CCDC102B: variants seen among roughly 807,000 people sequenced by gnomAD.
CCDC102B encodes coiled-coil domain-containing protein 102B.
A neutral mutation model predicts 57.4 loss-of-function variants in CCDC102B; 75 were observed. The ratio of observed to expected loss-of-function variants is 1.31; its 90% confidence interval spans 1.08 to 1.58. The LOEUF (loss-of-function observed/expected upper bound fraction) is 1.58, where lower values mean the gene tolerates loss of function less well. Ranked by LOEUF, CCDC102B falls within the 40% of genes most tolerant of loss-of-function variation. The pLI is 0.00. For missense variants in CCDC102B, 636 were observed against 582.6 expected (o/e 1.09, Z -0.94); for synonymous variants, 206 against 201.9 (o/e 1.02, Z -0.17).
chr18:69,012,004 A>G (rs1160770307), intron 7 of CCDC102B, among the ~76,000 whole-genome samples: 8 of 152,144 alleles, frequency 5.3e-5, no homozygotes, highest in Non-Finnish European at 1.5e-5. Flanking sequence ...TTATATGGAA[A>G]CAGAATCAAT....
chr18:68,750,233 C>T (rs867193518), intron 2 of CCDC102B, among the ~76,000 whole-genome samples: 33 of 152,226 alleles, frequency 2.2e-4, no homozygotes, highest in African/African-American at 5.8e-4. Flanking sequence ...CAAATCAAAA[C>T]CACAATGAGA....
rs142064234 is a variant in CCDC102B at position 68,740,007 on chromosome 18, A to C, written c.-67+23413A>C. The stretch of plus-strand genomic sequence containing the variant: ...GTATTCTAAAAATAGTTAAATAGAT[A>C]TTGAAACACAGTCCTGTGTTATCTC... On this transcript the variant is annotated intron_variant, in intron 2 of 3. Coordinates refer to the CCDC102B transcript ENST00000578970. Among the ~76,000 whole-genome samples the C allele has an allele frequency of 9.2e-4, 140 of 152,350 alleles. 1 individual carries two copies. Among genetic ancestry groups the C allele is most frequent in the African/African-American group, 3.3e-3 (138 of 41,588 alleles).
intron 2 of CCDC102B, among the ~76,000 whole-genome samples, chr18:68,767,068 T>C (rs955756116): frequency 6.6e-6 from 1 of 152,200 alleles, no homozygotes; most frequent in Admixed American, 6.5e-5. Flanking sequence ...TGAAATAATT[T>C]TGAAGGTAGT....
At chr18:68,834,984 A>T (rs1168949742) in intron 1 of CCDC102B, among the ~76,000 whole-genome samples, 1 of 152,122 alleles carries the variant, frequency 6.6e-6, no homozygotes, top group Non-Finnish European at 1.5e-5. Context: ...ATTATATAAG[A>T]TTATTTACAC....
intron 6 of CCDC102B, among the ~76,000 whole-genome samples, chr18:69,000,507 A>G (rs148688905): frequency 9.9e-5 from 15 of 152,270 alleles, no homozygotes; most frequent in Admixed American, 9.2e-4. Flanking sequence ...CATATATATG[A>G]ATGCCTTAGT....
intron 6 of CCDC102B, among the ~76,000 whole-genome samples, chr18:68,977,028 C>A (rs2050456556): frequency 6.6e-6 from 1 of 151,850 alleles, no homozygotes; most frequent in South Asian, 2.1e-4. Flanking sequence ...TCATATATAT[C>A]CTATAAATCC....
At chr18:68,745,061 AC>A (rs1300439599) in intron 2 of CCDC102B, among the ~76,000 whole-genome samples, 4 of 152,104 alleles carry the variant, frequency 2.6e-5, no homozygotes, top group African/African-American at 9.7e-5. Flanking sequence ...ATTCATCTTC[AC>A]TTCTGGAGTC....
At chr18:68,838,503 T>C in intron 2 of CCDC102B, 3 of 985,228 alleles carry the variant, frequency 3.0e-6, no homozygotes, top group Non-Finnish European at 3.6e-6. Context: ...GTATTTTTTT[T>C]ATGAGAAAGT....
At chr18:68,737,962 G>A (rs1002890356) in intron 2 of CCDC102B, among the ~76,000 whole-genome samples, 11 of 151,922 alleles carry the variant, frequency 7.2e-5, no homozygotes, top group African/African-American at 2.4e-4. Context: ...GCAGTGAATG[G>A]CTACTTCCCC....
chr18:68,810,788 C>T (rs2036234286), intron 1 of CCDC102B, among the ~76,000 whole-genome samples: 1 of 147,460 alleles, frequency 6.8e-6, no homozygotes, highest in African/African-American at 2.5e-5. Flanking sequence ...TTTGCTGCAC[C>T]CATCAATGCA....
At chr18:69,047,357 C>A (rs1371239626) in intron 7 of CCDC102B, among the ~76,000 whole-genome samples, 1 of 152,086 alleles carries the variant, frequency 6.6e-6, no homozygotes, top group Non-Finnish European at 1.5e-5. Flanking sequence ...ATCTTAAAAA[C>A]CCTCAGTAAA....
intron 2 of CCDC102B, among the ~76,000 whole-genome samples, chr18:68,745,633 A>T (rs2033589749): frequency 6.6e-6 from 1 of 152,056 alleles, no homozygotes; most frequent in South Asian, 2.1e-4. Context: ...ATATACTAGA[A>T]ATTCTCATTA....
chr18:69,004,155 T>C (rs1165155825), intron 6 of CCDC102B, among the ~76,000 whole-genome samples: 1 of 152,152 alleles, frequency 6.6e-6, no homozygotes, highest in South Asian at 2.1e-4. Flanking sequence ...TTGTGTAGGG[T>C]ACATATTCTA....
At chr18:68,941,417 A>G (rs1427806983) in intron 6 of CCDC102B, among the ~76,000 whole-genome samples, 1 of 152,056 alleles carries the variant, frequency 6.6e-6, no homozygotes, top group African/African-American at 2.4e-5. Context: ...AGCTAGGTCT[A>G]AATTTATTTT....
intron 2 of CCDC102B, among the ~76,000 whole-genome samples, chr18:68,764,614 T>G (rs77587759): frequency 0.012 from 1,864 of 152,246 alleles, 42 homozygotes; most frequent in African/African-American, 0.042. Context: ...TAGGCAGACT[T>G]GTAAAGAATG....
chr18:68,924,380 T>G (rs1007912914), intron 6 of CCDC102B, among the ~76,000 whole-genome samples: 1 of 152,014 alleles, frequency 6.6e-6, no homozygotes, highest in Non-Finnish European at 1.5e-5. Flanking sequence ...CTTTTCCCCC[T>G]ACCTCCACCA....
chr18:68,794,064 A>G (rs555181134), upstream of CCDC102B, among the ~76,000 whole-genome samples: 5 of 152,242 alleles, frequency 3.3e-5, no homozygotes, highest in South Asian at 8.3e-4. Context: ...ATTGGCCTCT[A>G]GCTCCCAATC....
chr18:68,727,826 G>A (rs1212295923), intron 2 of CCDC102B, among the ~76,000 whole-genome samples: 2 of 152,200 alleles, frequency 1.3e-5, no homozygotes, highest in Non-Finnish European at 2.9e-5. Context: ...GTTCCTGGCA[G>A]TAATAGAATT....
chr18:69,032,437 C>G (rs1278450516), intron 7 of CCDC102B, among the ~76,000 whole-genome samples: 1 of 152,078 alleles, frequency 6.6e-6, no homozygotes, highest in Non-Finnish European at 1.5e-5. Context: ...GTGTTATTCT[C>G]TGTACAAATA....
Sources: gnomAD v4.1 joint callset for allele counts (sites outside exome capture counted in the v4.1 genomes callset) on GRCh38, gnomAD v4.1.1 for gene constraint, MANE v1.5 for transcripts, NCBI Gene and HGNC (gene_info 2026-07-23, HGNC 2026-07-21) for gene names.